TMEM135: variants seen among roughly 807,000 people sequenced by gnomAD.
TMEM135 encodes the protein transmembrane protein 135.
Under a neutral mutation model 60.3 loss-of-function variants are expected in TMEM135, and 30 were observed. The observed-to-expected ratio is 0.50, with a 90% CI of 0.37 to 0.68. The LOEUF (loss-of-function observed/expected upper bound fraction) is 0.68. Among genes scored for constraint, TMEM135 ranks in the 30% least tolerant of loss-of-function variants. TMEM135 has a pLI of 0.00. For missense variants in TMEM135, 468 were observed against 548.8 expected (o/e 0.85, Z 1.47); for synonymous variants, 190 against 186.7 (o/e 1.02, Z -0.14).
At chr11:87,267,778 C>T (rs1468379931) in intron 6 of TMEM135, among the ~76,000 whole-genome samples, 5 of 152,090 alleles carry the variant, frequency 3.3e-5, no homozygotes, top group African/African-American at 7.2e-5. Flanking sequence ...CAGCAACCTC[C>T]ACCTCCCGGG....
chr11:87,116,695 T>G (rs2135207265), intron 4 of TMEM135, among the ~76,000 whole-genome samples: 1 of 152,052 alleles, frequency 6.6e-6, no homozygotes, highest in South Asian at 2.1e-4. Flanking sequence ...ATATCATGGG[T>G]TTGGATCTAG....
In TMEM135 at chr11:87,313,455, A is replaced by C. The variant is rs1268093490; in HGVS notation, c.967A>C (p.Asn323His). Residue 323 changes from asparagine to histidine, a missense_variant, in exon 11 of 15, where the codon AAC (asparagine) becomes CAC (histidine). By Grantham distance (68) the Asn-to-His change is moderately conservative. Coordinates refer to ENST00000305494, the MANE Select transcript of TMEM135 (RefSeq NM_022918.4). Reference protein sequence around the residue: ...GTSCFLRWIRNLDDELHAIIA... With the variant: ...GTSCFLRWIRHLDDELHAIIA... ...TAGTTGCTTCCTGCGCTGGATCAGA[A>C]ACTTAGATGATGAACTACATGCTAT... 6.2e-7 allele frequency: 1 copy of C among 1,611,260 alleles called. No individual in the cohort carries two copies. Among genetic ancestry groups the C allele is most frequent in the Non-Finnish European group, 8.5e-7 (1 of 1,177,942 alleles).
intron 3 of TMEM135, among the ~76,000 whole-genome samples, chr11:87,084,499 G>T (rs1857055508): frequency 1.3e-5 from 2 of 152,062 alleles, no homozygotes; most frequent in Admixed American, 6.5e-5. Flanking sequence ...GTAGAGATGT[G>T]ATAGCACAGG....
intron 12 of TMEM135, among the ~76,000 whole-genome samples, chr11:87,315,146 TTCCTCC>T (rs58849661): frequency 4.0e-5 from 6 of 151,358 alleles, no homozygotes; most frequent in East Asian, 1.9e-4. Context: ...ACTGCTTTTC[TTCCTCC>T]TCCTCCTCCT....
At chr11:87,135,548 A>T in intron 4 of TMEM135, among the ~76,000 whole-genome samples, 1 of 141,978 alleles carries the variant, frequency 7.0e-6, no homozygotes. Context: ...AATCAGTTTT[A>T]CACATATATG....
intron 8 of TMEM135, among the ~76,000 whole-genome samples, chr11:87,303,590 C>A (rs1942484628): frequency 6.6e-6 from 1 of 152,158 alleles, no homozygotes; most frequent in South Asian, 2.1e-4. Flanking sequence ...TTGCTGTGAG[C>A]ATTAAATGAG....
chr11:87,181,167 TATTAAA>T (rs1239072880), intron 5 of TMEM135, among the ~76,000 whole-genome samples: 30 of 152,208 alleles, frequency 2.0e-4, no homozygotes, highest in African/African-American at 7.0e-4. Flanking sequence ...AATCCAAATA[TATTAAA>T]ATACTAAAAT....
chr11:87,282,718 A>G (rs1328789365), intron 6 of TMEM135, among the ~76,000 whole-genome samples: 1 of 152,152 alleles, frequency 6.6e-6, no homozygotes, highest in African/African-American at 2.4e-5. Context: ...GTAATATTTC[A>G]TCTTCACTGT....
intron 5 of TMEM135, among the ~76,000 whole-genome samples, chr11:87,207,912 G>A (rs750255427): frequency 5.9e-5 from 9 of 152,202 alleles, no homozygotes; most frequent in Non-Finnish European, 1.0e-4. Context: ...GGACAAAACT[G>A]TGAACCTGGT....
At chr11:87,105,230 C>A (rs1229846205) in intron 4 of TMEM135, among the ~76,000 whole-genome samples, 1 of 152,182 alleles carries the variant, frequency 6.6e-6, no homozygotes, top group Non-Finnish European at 1.5e-5. Flanking sequence ...GGGCCATGAA[C>A]CTTGTCAGGA....
intron 6 of TMEM135, among the ~76,000 whole-genome samples, chr11:87,275,496 C>T (rs1941951873): frequency 6.6e-6 from 1 of 151,530 alleles, no homozygotes; most frequent in Non-Finnish European, 1.5e-5. Context: ...AAAAAATAAC[C>T]AAATATATCA....
Position 87,067,745 on chromosome 11 carries a change from C to T in TMEM135, c.193C>T (p.Leu65Phe). ...ATTAGACTATTATTTACACAAACTA[C>T]TCCCTGAGATCCTACAATCCGCTTC... is the stretch of plus-strand genomic sequence containing the variant. Reference protein sequence around the residue: ...RKLDYYLHKLLPEILQSASFL... With the variant: ...RKLDYYLHKLFPEILQSASFL... The change falls in exon 2 of 15, where the codon CTC becomes TTC. Residue 65 changes from leucine to phenylalanine, a missense_variant. Transcript: ENST00000305494. 1.2e-6 allele frequency: 2 copies of T among 1,613,958 alleles called. No individual in the cohort carries two copies. The highest frequency in any genetic ancestry group is 1.1e-5 in the South Asian group (1 of 91,078).
chr11:87,255,094 C>T (rs1400880979), intron 6 of TMEM135, among the ~76,000 whole-genome samples: 1 of 152,122 alleles, frequency 6.6e-6, no homozygotes, highest in Non-Finnish European at 1.5e-5. Context: ...CCTTTCTTCT[C>T]CATTTCTCCC....
chr11:87,286,386 C>G (rs1256421467), intron 6 of TMEM135, among the ~76,000 whole-genome samples: 1 of 152,192 alleles, frequency 6.6e-6, no homozygotes. Flanking sequence ...CTGATTGGTG[C>G]ATATACAATC....
intron 6 of TMEM135, among the ~76,000 whole-genome samples, chr11:87,237,641 A>C (rs1373287137): frequency 6.6e-6 from 1 of 152,034 alleles, no homozygotes; most frequent in Non-Finnish European, 1.5e-5. Flanking sequence ...GGATATGATG[A>C]ATAATAACCA....
Position 87,314,605 on chromosome 11 carries a change from A to G in TMEM135, c.1077+58A>G, listed in dbSNP as rs369155211. On this transcript the variant is annotated intron_variant, in intron 12 of 14. Coordinates refer to ENST00000305494, the MANE Select transcript of TMEM135 (RefSeq NM_022918.4). ...AAGAACATAAAGCTTTTAGCTGCTG[A>G]CTGTTTTAGCAGCAAATGTATATCC... 5.7e-6 allele frequency: 8 copies of G among 1,413,678 alleles called. No individual in the cohort carries two copies. In the East Asian group the frequency reaches 9.2e-5, roughly 16 times the overall value. The allele number at this position is 1,413,678 out of a possible 1,614,324, so 87.6% of individuals were successfully genotyped here.
chr11:87,118,358 A>G (rs1046331193), intron 4 of TMEM135, among the ~76,000 whole-genome samples: 2 of 152,176 alleles, frequency 1.3e-5, no homozygotes, highest in African/African-American at 4.8e-5. Flanking sequence ...ATCTTCTTCC[A>G]ATGTAAGGCT....
rs536599023 is a variant in TMEM135 at position 87,184,113 on chromosome 11, A to C, written c.462+26707A>C. ...TTAACTTCATAAAGTACTTAGTGTC[A>C]TAGTTGTTTTGTTTGTTCTTTTAGA... On this transcript the variant is annotated intron_variant, in intron 5 of 14. Coordinates refer to ENST00000305494, the MANE Select transcript of TMEM135 (RefSeq NM_022918.4). Among the ~76,000 whole-genome samples the C allele has an allele frequency of 4.6e-5, 7 of 152,198 alleles. No individual in the cohort carries two copies. In the East Asian group the frequency reaches 5.8e-4, roughly 13 times the overall value.
At chr11:87,234,358 T>C (rs1940950007) in intron 5 of TMEM135, among the ~76,000 whole-genome samples, 1 of 152,108 alleles carries the variant, frequency 6.6e-6, no homozygotes. Flanking sequence ...ATTTTGTGCA[T>C]TGTTCTAAGT....
Sources: allele counts gnomAD v4.1 joint callset (sites outside exome capture counted in the v4.1 genomes callset), GRCh38; gene constraint gnomAD v4.1.1; transcripts MANE v1.5; gene names NCBI Gene and HGNC (gene_info 2026-07-23, HGNC 2026-07-21).